Variants in BICDL1 observed in about 807,000 individuals in gnomAD.
The protein encoded by BICDL1 is BICD family-like cargo adapter 1.
BICDL1 carries 20 observed loss-of-function variants against 76.8 expected under a neutral mutation model. The observed-to-expected ratio is 0.26, with a 90% CI of 0.18 to 0.38. BICDL1 has a LOEUF of 0.38. Ranked by LOEUF, BICDL1 falls within the 10% of genes least tolerant of loss-of-function variation. BICDL1 has a pLI of 1.00. For missense variants in BICDL1, 700 were observed against 798.6 expected (o/e 0.88, Z 1.49); for synonymous variants, 383 against 337.1 (o/e 1.14, Z -1.49).
intron 2 of BICDL1, among the ~76,000 whole-genome samples, chr12:119,999,485 T>G (rs1229873196): frequency 6.6e-6 from 1 of 152,236 alleles, no homozygotes; most frequent in Non-Finnish European, 1.5e-5. Context: ...TGATGTTGCA[T>G]TTGTGAATGT....
rs1458329979 is a variant in BICDL1, at chr12:119,989,455, C to T, written c.-414C>T. The stretch of plus-strand genomic sequence containing the variant: ...CCCGCCCCGTGAGGCGCTGCCCGGC[C>T]GGCGGCGGCAGCAGCAGCAGCAGCG... On this transcript the variant is annotated 5_prime_UTR_variant, in exon 1 of 10. Transcript: ENST00000548673. Among the ~76,000 whole-genome samples the T allele has an allele frequency of 4.6e-5, 4 of 87,510 alleles. 1 individual carries two copies. The highest frequency in any genetic ancestry group is 9.2e-3 in the Middle Eastern group (2 of 218). The allele number at this position is 87,510 out of a possible 152,430, so 57.4% of individuals were successfully genotyped here.
intron 2 of BICDL1, among the ~76,000 whole-genome samples, chr12:120,013,514 T>C (rs1291088067): frequency 2.1e-5 from 3 of 146,338 alleles, no homozygotes; most frequent in African/African-American, 5.1e-5. Flanking sequence ...CAGGCTGGAG[T>C]GCAGTGGCGC....
In BICDL1 at chr12:119,989,236, A is replaced by G. The variant is rs531480554; in HGVS notation, c.-633A>G. On this transcript the variant is annotated 5_prime_UTR_variant, in exon 1 of 10. Transcript: ENST00000548673. ...TGAGCCGGGAGGAGCCGGGGAAGGCAGGAAGGAGCTCGCCGGGTTGCGCGG... is the reference window on the plus strand; with the variant it reads ...TGAGCCGGGAGGAGCCGGGGAAGGCGGGAAGGAGCTCGCCGGGTTGCGCGG... 8.0e-5 allele frequency among the ~76,000 whole-genome samples: 12 copies of G among 149,904 alleles called. No homozygotes were observed. In the South Asian group the frequency reaches 2.1e-3, roughly 26 times the overall value.
chr12:120,031,005 T>A (rs1952411406), intron 2 of BICDL1, among the ~76,000 whole-genome samples: 1 of 152,190 alleles, frequency 6.6e-6, no homozygotes, highest in Non-Finnish European at 1.5e-5. Context: ...TAACCTGTTT[T>A]GGTTTTCATA....
Position 120,086,971 on chromosome 12 carries a change from C to T in BICDL1, c.1584-2980C>T, listed in dbSNP as rs55951673. On this transcript the variant is annotated intron_variant, in intron 8 of 9. Coordinates refer to ENST00000548673, the MANE Select transcript of BICDL1 (RefSeq NM_001367886.1). ...GCAAGGAAGGGAACCCCACCATGCC[C>T]GGCGCTGCGCCGCGGCTGTAGCCCT... is the stretch of plus-strand genomic sequence containing the variant. 5.9e-3 allele frequency among the ~76,000 whole-genome samples: 895 copies of T among 152,322 alleles called. 9 individuals are homozygous for T. Among genetic ancestry groups the T allele is most frequent in the African/African-American group, 0.02 (819 of 41,572 alleles).
At chr12:120,015,819 G>C (rs1236094244) in intron 2 of BICDL1, among the ~76,000 whole-genome samples, 1 of 152,058 alleles carries the variant, frequency 6.6e-6, no homozygotes, top group Non-Finnish European at 1.5e-5. Context: ...CCAGATCACT[G>C]GTTCCCAGTC....
intron 2 of BICDL1, among the ~76,000 whole-genome samples, chr12:120,037,860 A>G (rs929991956): frequency 2.0e-5 from 3 of 152,198 alleles, no homozygotes; most frequent in Non-Finnish European, 2.9e-5. Context: ...GAAGTAGGCA[A>G]CTGAGTTAAT....
chr12:119,998,705 A>G lies in BICDL1; in HGVS notation c.614A>G (p.Gln205Arg), dbSNP rs777500780. Residue 205 changes from glutamine to arginine, a missense_variant, in exon 2 of 10, where the codon CAG becomes CGG. Coordinates refer to ENST00000548673, the MANE Select transcript of BICDL1 (RefSeq NM_001367886.1). Reference protein sequence around the residue: ...KSRAVQELSEQNQRLLDQLSR... With the variant: ...KSRAVQELSERNQRLLDQLSR... ...CGGGCTGTCCAGGAACTGTCGGAACAGAACCAAAGGCTATTGGATCAGCTC... is the reference window on the plus strand; with the variant it reads ...CGGGCTGTCCAGGAACTGTCGGAACGGAACCAAAGGCTATTGGATCAGCTC... 1 of 1,614,222 alleles carries G rather than the reference A, an allele frequency of 6.2e-7. No homozygotes were observed. Among genetic ancestry groups the G allele is most frequent in the Non-Finnish European group, 8.5e-7 (1 of 1,180,032 alleles).
Position 119,989,945 on chromosome 12 carries a change from T to C in BICDL1, c.77T>C (p.Leu26Pro), listed in dbSNP as rs1594077601. The C allele has an allele frequency of 6.8e-7, 1 of 1,468,060 alleles. No individual in the cohort carries two copies. The highest frequency in any genetic ancestry group is 8.9e-7 in the Non-Finnish European group (1 of 1,124,232). 90.9% of individuals were successfully genotyped at this position (1,468,060 alleles called of 1,614,324 possible). ...AEPDSACCME[L>P]PAAAGDAVRS... ...CCGGACAGCGCCTGCTGCATGGAGCTGCCCGCCGCGGCCGGGGACGCAGTC... is the reference window on the plus strand; with the variant it reads ...CCGGACAGCGCCTGCTGCATGGAGCCGCCCGCCGCGGCCGGGGACGCAGTC... The change falls in exon 1 of 10, where the codon CTG (leucine) becomes CCG (proline). Residue 26 changes from leucine (L) to proline (P), a missense_variant. By Grantham distance (98) the Leu-to-Pro change is moderately conservative. Around this residue, in one of 3 missense-constraint regions of BICDL1, gnomAD observed 225 missense variants for 199.6 expected, o/e 1.13. Transcript: ENST00000548673.
chr12:120,048,718 A>G (rs967078245), intron 2 of BICDL1, among the ~76,000 whole-genome samples: 10 of 152,268 alleles, frequency 6.6e-5, no homozygotes, highest in Admixed American at 6.5e-4. Context: ...TCCAGCTCTG[A>G]CATCCTTGAA....
At chr12:120,060,244 C>A (rs1288217587) in intron 2 of BICDL1, among the ~76,000 whole-genome samples, 4 of 152,036 alleles carry the variant, frequency 2.6e-5, no homozygotes, top group Non-Finnish European at 4.4e-5. Flanking sequence ...TCTAAAACAG[C>A]CTAGTGGGTA....
chr12:120,035,841 CTT>C (rs908227594), intron 2 of BICDL1, among the ~76,000 whole-genome samples: 2 of 152,218 alleles, frequency 1.3e-5, no homozygotes, highest in African/African-American at 2.4e-5. Context: ...ACTAACCTGA[CTT>C]TTATAATAAT....
Position 120,092,630 on chromosome 12 carries a change from C to A in BICDL1, c.1705-370C>A, listed in dbSNP as rs530881097. The A allele has an allele frequency of 1.2e-5, 12 of 985,422 alleles. No individual in the cohort carries two copies. The South Asian group carries it at 4.2e-4, about 35-fold the overall frequency. The allele number at this position is 985,422 out of a possible 1,614,324, so 61.0% of individuals were successfully genotyped here. A position where few individuals can be genotyped will look rare whatever the true frequency, so the allele number is the denominator to read the frequency against. On this transcript the variant is annotated intron_variant, in intron 9 of 9. Coordinates refer to ENST00000548673, the MANE Select transcript of BICDL1 (RefSeq NM_001367886.1). ...GGGTGGCAAGCCAAACCGGAGGCAC[C>A]AGCCAGGCCCACAGGACACAGGAGG...
chr12:120,054,433 A>G (rs1952932208), intron 2 of BICDL1, among the ~76,000 whole-genome samples: 2 of 152,126 alleles, frequency 1.3e-5, no homozygotes, highest in Admixed American at 1.3e-4. Context: ...TGTCCAGTCT[A>G]CTTCTACTCA....
intron 2 of BICDL1, among the ~76,000 whole-genome samples, chr12:120,012,768 TTAAAG>T (rs1193367612): frequency 1.2e-4 from 19 of 152,160 alleles, no homozygotes; most frequent in Non-Finnish European, 2.2e-4. Context: ...TTTTTCTTTT[TTAAAG>T]GAAAGGGAAG....
In BICDL1 at chr12:119,989,361, C is replaced by T. The variant is rs1951462961; in HGVS notation, c.-508C>T. On this transcript the variant is annotated 5_prime_UTR_variant, in exon 1 of 10. Transcript: ENST00000548673. ...CCGCGGAGCCGGGGGTCATGGAGTG[C>T]GGCTGCAGAGAGCGGCCGCCGGCAA... Among the ~76,000 whole-genome samples, 1 of 149,812 alleles carries T rather than the reference C, an allele frequency of 6.7e-6. No homozygotes were observed. The highest frequency in any genetic ancestry group is 2.4e-5 in the African/African-American group (1 of 41,010).
At chr12:120,043,042 A>T (rs1001706416) in intron 2 of BICDL1, among the ~76,000 whole-genome samples, 8 of 152,066 alleles carry the variant, frequency 5.3e-5, no homozygotes, top group African/African-American at 1.9e-4. Flanking sequence ...TAGCTCCACC[A>T]TTTACTAGCT....
At position 120,075,426 on chromosome 12, in the gene BICDL1, C is replaced by T. The variant is rs117021994; in HGVS notation, c.1452+840C>T. Among the ~76,000 whole-genome samples, 1,854 of 150,220 alleles carry T rather than the reference C, an allele frequency of 0.012. 88 individuals are homozygous for T. In the East Asian group the frequency reaches 0.14, roughly 11 times the overall value. ...TTTATTTCTTTTTGAGACAGGGTTT[C>T]ACTCTTGCCCAGGCTGGAGTATAGT... On this transcript the variant is annotated intron_variant, in intron 7 of 9. Transcript: ENST00000548673.
At position 120,057,367 on chromosome 12, in the gene BICDL1, C is replaced by T. The variant is rs555341138; in HGVS notation, c.646-4343C>T. 4.6e-5 allele frequency among the ~76,000 whole-genome samples: 7 copies of T among 152,236 alleles called. 1 individual carries two copies. Among genetic ancestry groups the T allele is most frequent in the Admixed American group, 4.6e-4 (7 of 15,296 alleles). On this transcript the variant is annotated intron_variant, in intron 2 of 9. Transcript: ENST00000548673. ...CTCTCAGGAGCACAGTGTATCCCTT[C>T]AGAGAGACTGCTGTTACCCTGGCTA...
Sources: gnomAD v4.1 joint callset for allele counts (sites outside exome capture counted in the v4.1 genomes callset) on GRCh38, gnomAD v4.1.1 for gene constraint, gnomAD v4.1.1 regional missense constraint, MANE v1.5 for transcripts, NCBI Gene and HGNC (gene_info 2026-07-23, HGNC 2026-07-21) for gene names.